The following DCLK1 variants were observed in gnomAD, a reference collection of about 807,000 sequenced individuals.
DCLK1 encodes serine/threonine-protein kinase DCLK1.
A neutral mutation model predicts 86.2 loss-of-function variants in DCLK1; 16 were observed. That is an observed-to-expected ratio of 0.19 (90% CI 0.13 to 0.28). DCLK1 has a LOEUF of 0.28. Among genes scored for constraint, DCLK1 ranks in the 10% least tolerant of loss-of-function variants. DCLK1 has a pLI of 1.00. For missense variants in DCLK1, 590 were observed against 940.2 expected (o/e 0.63, Z 4.87); for synonymous variants, 369 against 370.5 (o/e 1.00, Z 0.05).
At chr13:35,932,738 A>G (rs932693831) in intron 4 of DCLK1, among the ~76,000 whole-genome samples, 4 of 152,222 alleles carry the variant, frequency 2.6e-5, no homozygotes, top group Non-Finnish European at 2.9e-5. Flanking sequence ...TCCCTCCCAC[A>G]ACATGTAGGA....
At chr13:35,846,914 C>T (rs886264982) in intron 6 of DCLK1, 4 of 985,062 alleles carry the variant, frequency 4.1e-6, no homozygotes, top group East Asian at 2.3e-4. Context: ...TACAGAATCG[C>T]CTTACAGGTT....
intron 3 of DCLK1, among the ~76,000 whole-genome samples, chr13:36,094,948 A>G (rs1884953692): frequency 6.6e-6 from 1 of 152,304 alleles, no homozygotes; most frequent in African/African-American, 2.4e-5. Context: ...GTGAGGAAGG[A>G]CCACATGTCT....
intron 8 of DCLK1, among the ~76,000 whole-genome samples, chr13:35,834,262 T>A (rs1243997171): frequency 6.6e-6 from 1 of 152,234 alleles, no homozygotes; most frequent in Non-Finnish European, 1.5e-5. Flanking sequence ...TTTATTTGCA[T>A]GCACGCTTCT....
rs766474257 is a variant in DCLK1 at position 35,808,330 on chromosome 13, T to C, written c.1767-10A>G. 1.2e-6 allele frequency: 2 copies of C among 1,612,960 alleles called. No homozygotes were observed. Among genetic ancestry groups the C allele is most frequent in the Admixed American group, 3.3e-5 (2 of 60,014 alleles). On this transcript the variant is annotated splice_polypyrimidine_tract_variant and intron_variant, in intron 13 of 16. Coordinates refer to ENST00000360631, the MANE Select transcript of DCLK1 (RefSeq NM_001330071.2). ...CTGGTCATCACCACTTCTGTTTAGG[T>C]GAACGACAACAAGGAAAAACAGCAC...
intron 16 of DCLK1, among the ~76,000 whole-genome samples, chr13:35,778,014 T>G (rs572172197): frequency 2.6e-5 from 4 of 152,378 alleles, no homozygotes; most frequent in Admixed American, 2.6e-4. Flanking sequence ...TCTCTGTGTT[T>G]TCCACAGTTC....
chr13:36,000,232 G>A (rs1593804868), intron 3 of DCLK1, among the ~76,000 whole-genome samples: 1 of 152,076 alleles, frequency 6.6e-6, no homozygotes, highest in South Asian at 2.1e-4. Flanking sequence ...TTCTCACTGG[G>A]CACTTACTCT....
At chr13:36,064,757 GA>G (rs1883689496) in intron 3 of DCLK1, among the ~76,000 whole-genome samples, 1 of 149,860 alleles carries the variant, frequency 6.7e-6, no homozygotes, top group South Asian at 2.1e-4. Flanking sequence ...AAAAAAAGAA[GA>G]AGAAGAAAGG....
intron 3 of DCLK1, 59 bp downstream of exon 3, chr13:36,111,810 C>T: frequency 6.7e-7 from 1 of 1,500,334 alleles, no homozygotes; most frequent in Non-Finnish European, 9.1e-7. Context: ...GCCACGTACA[C>T]CCTCCGACTC....
At chr13:35,955,601 T>C (rs1464540975) in intron 3 of DCLK1, among the ~76,000 whole-genome samples, 1 of 152,148 alleles carries the variant, frequency 6.6e-6, no homozygotes, top group Admixed American at 6.5e-5. Flanking sequence ...AAGTGTAAAA[T>C]GACACCCTAG....
intron 8 of DCLK1, among the ~76,000 whole-genome samples, chr13:35,833,720 G>T (rs1418858006): frequency 6.6e-6 from 1 of 152,116 alleles, no homozygotes; most frequent in Admixed American, 6.5e-5. Context: ...GAATGTACCC[G>T]CAAGCAATGT....
rs2086275657 is a variant in DCLK1, at chr13:35,768,677, T to C, written c.*5858A>G. On this transcript the variant is annotated 3_prime_UTR_variant, in exon 17 of 17. Coordinates refer to ENST00000360631, the MANE Select transcript of DCLK1 (RefSeq NM_001330071.2). ...TGAATGGTATTTGGTTTATTTGTAT[T>C]TATCCAAGTCAGTGGCCCAGGCAGG... The C allele has an allele frequency of 6.6e-6, 1 of 152,244 alleles. No individual in the cohort carries two copies. The highest frequency in any genetic ancestry group is 6.5e-5 in the Admixed American group (1 of 15,290). The allele number at this position is 152,244 out of a possible 1,614,324, so 9.4% of individuals were successfully genotyped here.
At position 35,921,252 on chromosome 13, in the gene DCLK1, C is replaced by A. The variant is rs550558340; in HGVS notation, c.823+26106G>T. Among the ~76,000 whole-genome samples, 5 of 152,250 alleles carry A rather than the reference C, an allele frequency of 3.3e-5. No homozygotes were observed. The South Asian group carries it at 1.0e-3, about 32-fold the overall frequency. On this transcript the variant is annotated intron_variant, in intron 4 of 16. Transcript: ENST00000360631. ...TTTCCTACCACTTTTTCTCTCCCTC[C>A]TTCTACTCTAGCCACCTGGATTTCC...
rs1161226361 is a variant in DCLK1, at chr13:35,828,326, T to G, written c.1230-19A>C. Reference sequence around the variant, plus strand: ...AGTCGATCTGCGAAGAGAAAGTTCATGTTTTTAAAATGAAACTTAACTTCA... The same window carrying G: ...AGTCGATCTGCGAAGAGAAAGTTCAGGTTTTTAAAATGAAACTTAACTTCA... On this transcript the variant is annotated intron_variant, in intron 8 of 16. Coordinates refer to ENST00000360631, the MANE Select transcript of DCLK1 (RefSeq NM_001330071.2). 21 of 1,596,956 alleles carry G rather than the reference T, an allele frequency of 1.3e-5. No individual in the cohort carries two copies. Among genetic ancestry groups the G allele is most frequent in the Non-Finnish European group, 1.5e-5 (18 of 1,174,108 alleles).
At chr13:35,976,465 G>A (rs1409928161) in intron 3 of DCLK1, among the ~76,000 whole-genome samples, 1 of 150,744 alleles carries the variant, frequency 6.6e-6, no homozygotes, top group East Asian at 1.9e-4. Context: ...CTGTGAACTC[G>A]AGGCAGAATT....
At chr13:36,007,786 C>A (rs866942014) in intron 3 of DCLK1, among the ~76,000 whole-genome samples, 1 of 152,072 alleles carries the variant, frequency 6.6e-6, no homozygotes. Context: ...AAATAACTAA[C>A]GAAACTGATT....
intron 3 of DCLK1, among the ~76,000 whole-genome samples, chr13:36,008,007 C>G (rs1340014985): frequency 6.6e-6 from 1 of 151,862 alleles, no homozygotes; most frequent in African/African-American, 2.4e-5. Flanking sequence ...GTCTATAAAA[C>G]TCCACATATA....
At chr13:36,034,099 G>A (rs1882395353) in intron 3 of DCLK1, among the ~76,000 whole-genome samples, 1 of 151,930 alleles carries the variant, frequency 6.6e-6, no homozygotes, top group Non-Finnish European at 1.5e-5. Context: ...TAGCGAACTG[G>A]GTACTTAGTT....
chr13:35,915,716 C>CAACAAA (rs1009591606), intron 4 of DCLK1, among the ~76,000 whole-genome samples: 17 of 152,100 alleles, frequency 1.1e-4, no homozygotes, highest in African/African-American at 4.1e-4. Flanking sequence ...ACAAACAAAC[C>CAACAAA]AACAAAAACA....
In DCLK1 at chr13:35,809,075, A is replaced by C. The variant is rs1220579668; in HGVS notation, c.1709T>G (p.Ile570Ser). The C allele has an allele frequency of 6.2e-7, 1 of 1,611,842 alleles. No homozygotes were observed. The highest frequency in any genetic ancestry group is 8.5e-7 in the Non-Finnish European group (1 of 1,178,590). ...ATAAGTGATTACACCTGCTGCCCAG[A>C]TGTCCACCTTGAGGCCGTATCTGGA... ...AETGYGLKVD[I>S]WAAGVITYIL... The change falls in exon 13 of 17, where the codon ATC becomes AGC. Residue 570 changes from isoleucine (I) to serine (S), a missense_variant. Physicochemically the swap from Ile to Ser is moderately radical, Grantham distance 142. Coordinates refer to ENST00000360631, the MANE Select transcript of DCLK1 (RefSeq NM_001330071.2).
Sources: gnomAD v4.1 joint callset for allele counts (sites outside exome capture counted in the v4.1 genomes callset) on GRCh38, gnomAD v4.1.1 for gene constraint, MANE v1.5 for transcripts, NCBI Gene and HGNC (gene_info 2026-07-23, HGNC 2026-07-21) for gene names.